KLHDC9: variants seen among roughly 807,000 people sequenced by gnomAD.
The protein encoded by KLHDC9 is kelch domain-containing protein 9.
In KLHDC9, 26 loss-of-function variants were observed where a neutral mutation model predicts 31.5. That is an observed-to-expected ratio of 0.83 (90% CI 0.61 to 1.15). The LOEUF is 1.15. Among genes scored for constraint, KLHDC9 ranks in the 50% most tolerant of loss-of-function variants. The probability of loss-of-function intolerance (pLI) is 0.00; values close to 1 mark genes in which losing one functional copy is unlikely to be tolerated. For missense variants in KLHDC9, 437 were observed against 467.7 expected (o/e 0.93, Z 0.61); for synonymous variants, 176 against 184.7 (o/e 0.95, Z 0.38).
In KLHDC9 at chr1:161,098,593, G is replaced by A; in HGVS notation, c.58G>A (p.Val20Met). ...AGGCTCAGGCTGGGCCTGGAGGCCA[G>A]TGGCGCGGGACGCGCTTTTGGCTAG... is the stretch of plus-strand genomic sequence containing the variant. Reference protein sequence around the residue: ...AAGSGWAWRPVARDALLARAF... With the variant: ...AAGSGWAWRPMARDALLARAF... The change falls in exon 1 of 4, where the codon GTG becomes ATG. Residue 20 changes from valine to methionine, a missense_variant. Transcript: ENST00000368011. This position sits in a 1 kb window ranked among gnomAD's most constrained non-coding sequence, Gnocchi z 6.3. 3 of 1,590,292 alleles carry A rather than the reference G, an allele frequency of 1.9e-6. No individual in the cohort carries two copies. The highest frequency in any genetic ancestry group is 2.3e-5 in the East Asian group (1 of 43,182).
chr1:161,099,991 G>C, intron 3 of KLHDC9, 70 bp from the exon 4 acceptor site: 1 of 1,556,292 alleles, frequency 6.4e-7, no homozygotes, highest in Non-Finnish European at 8.8e-7. Context: ...GCAAGCCCTT[G>C]GTCATGTTGA....
In KLHDC9 at chr1:161,098,776, C is replaced by G; in HGVS notation, c.241C>G (p.His81Asp). 1 of 1,597,328 alleles carries G rather than the reference C, an allele frequency of 6.3e-7. No homozygotes were observed. Among genetic ancestry groups the G allele is most frequent in the East Asian group, 2.3e-5 (1 of 43,766 alleles). ...AGCCCGGGGCAGCCCCCCGCGCAGT[C>G]ACCACGACGCGGCACCCGTGGACGG... ...LGARGSPPRSHHDAAPVDGRW... is the reference protein window; with the variant it reads ...LGARGSPPRSDHDAAPVDGRW... The change falls in exon 1 of 4, where the codon CAC becomes GAC. Residue 81 changes from histidine (H) to aspartate (D), a missense_variant. Coordinates refer to ENST00000368011, the MANE Select transcript of KLHDC9 (RefSeq NM_152366.5). This position sits in a 1 kb window ranked among gnomAD's most constrained non-coding sequence, Gnocchi z 6.3.
rs374876693 is a variant in KLHDC9 at position 161,098,575 on chromosome 1, G to C, written c.40G>C (p.Gly14Arg). 135 of 1,573,208 alleles carry C rather than the reference G, an allele frequency of 8.6e-5. No individual in the cohort carries two copies. The African/African-American group carries it at 1.7e-3, about 20-fold the overall frequency. Residue 14 changes from glycine to arginine, a missense_variant, in exon 1 of 4, where the codon GGC becomes CGC. Coordinates refer to ENST00000368011, the MANE Select transcript of KLHDC9 (RefSeq NM_152366.5). This position sits in a 1 kb window ranked among gnomAD's most constrained non-coding sequence, Gnocchi z 6.3. ...AVPPGRAAGS[G>R]WAWRPVARDA... ...GCCCCCGGGTCGGGCCGCAGGCTCA[G>C]GCTGGGCCTGGAGGCCAGTGGCGCG...
intron 3 of KLHDC9, 76 bp downstream of exon 3, chr1:161,099,872 G>T (rs1440884662): frequency 6.9e-7 from 1 of 1,442,872 alleles, no homozygotes; most frequent in South Asian, 1.1e-5. Flanking sequence ...AAAGAGGATG[G>T]AGTGATGGGG....
rs753167844 is a variant in KLHDC9, at chr1:161,100,059, A to G, written c.887-2A>G. 6.2e-7 allele frequency: 1 copy of G among 1,614,170 alleles called. No homozygotes were observed. Among genetic ancestry groups the G allele is most frequent in the South Asian group, 1.1e-5 (1 of 91,070 alleles). On this transcript the variant is annotated splice_acceptor_variant, in intron 3 of 3. Transcript: ENST00000368011. LOFTEE classifies it high-confidence loss of function. The stretch of plus-strand genomic sequence containing the variant: ...TAACCACCCTCTGCCCGTATCCAAC[A>G]GGCACATCTCCTCCTTTGTGGTTCC...
rs372223707 is a variant in KLHDC9 at position 161,099,826 on chromosome 1, G to C, written c.886+30G>C. 3 of 1,587,590 alleles carry C rather than the reference G, an allele frequency of 1.9e-6. No individual in the cohort carries two copies. The African/African-American group carries it at 4.0e-5, about 21-fold the overall frequency. On this transcript the variant is annotated intron_variant, in intron 3 of 3. Transcript: ENST00000368011. ...GAGCCAGACTAATGGCTGAAGGGGG[G>C]GAAGGTGGGAAGATGGGGGAACCTG...
At chr1:161,099,148 C>T (rs1366613782) in intron 1 of KLHDC9, 86 bp downstream of exon 1, 1 of 1,437,870 alleles carries the variant, frequency 7.0e-7, no homozygotes, top group Non-Finnish European at 9.5e-7. Context: ...GGCAATTTAT[C>T]CACCTCCTCA....
Position 161,098,451 on chromosome 1 carries a change from C to G in KLHDC9, c.-85C>G, listed in dbSNP as rs1654405221. 1 of 1,277,784 alleles carries G rather than the reference C, an allele frequency of 7.8e-7. No individual in the cohort carries two copies. Among genetic ancestry groups the G allele is most frequent in the South Asian group, 1.7e-5 (1 of 60,548 alleles). The allele number at this position is 1,277,784 out of a possible 1,614,324, so 79.2% of individuals were successfully genotyped here. ...CGGTAGGGGGAGGTTCCCGGGGAAG[C>G]CCGCGGAAGGCGAGGTGCCTGGCCT... On this transcript the variant is annotated 5_prime_UTR_variant, in exon 1 of 4. Transcript: ENST00000368011. The surrounding 1 kb of genome is among the most constrained non-coding windows in gnomAD (Gnocchi z 6.3).
In KLHDC9 at chr1:161,099,073, C is replaced by G; in HGVS notation, c.527+11C>G. On this transcript the variant is annotated intron_variant, in intron 1 of 3. Coordinates refer to ENST00000368011, the MANE Select transcript of KLHDC9 (RefSeq NM_152366.5). Reference sequence around the variant, plus strand: ...CGCCCGCACCTATTGGTATGGCACCCTCCGCCCAAAACCTTTCACTCTCAT... The same window carrying G: ...CGCCCGCACCTATTGGTATGGCACCGTCCGCCCAAAACCTTTCACTCTCAT... 3.1e-6 allele frequency: 5 copies of G among 1,594,330 alleles called. No individual in the cohort carries two copies. The highest frequency in any genetic ancestry group is 4.2e-6 in the Non-Finnish European group (5 of 1,177,866).
chr1:161,099,240 C>G, intron 1 of KLHDC9, 106 bp from the exon 2 acceptor site: 2 of 1,398,384 alleles, frequency 1.4e-6, no homozygotes, highest in African/African-American at 1.4e-5. Flanking sequence ...TCTTATCCCA[C>G]CTACCGCACT....
In KLHDC9 at chr1:161,100,115, G is replaced by C. The variant is rs771536937; in HGVS notation, c.941G>C (p.Arg314Pro). The change falls in exon 4 of 4, where the codon CGC (arginine) becomes CCC (proline). Residue 314 changes from arginine (R) to proline (P), a missense_variant. Arg to Pro is a moderately radical substitution (Grantham distance 103). Transcript: ENST00000368011. ...CCCTGTGCAGATCGTGGGATGAAAC[G>C]CATGGGCCATCGCACCTGCCTTTGG... The part of the protein sequence containing the change: ...HFPCADRGMK[R>P]MGHRTCLWND... 1.2e-6 allele frequency: 2 copies of C among 1,614,100 alleles called. No individual in the cohort carries two copies. The highest frequency in any genetic ancestry group is 4.5e-5 in the East Asian group (2 of 44,880).
rs1443761916 is a variant in KLHDC9, at chr1:161,100,180, G to A, written c.1006G>A (p.Gly336Ser). Residue 336 changes from glycine to serine, a missense_variant, in exon 4 of 4, where the codon GGC becomes AGC. By Grantham distance (56) the Gly-to-Ser change is moderately conservative. Coordinates refer to ENST00000368011, the MANE Select transcript of KLHDC9 (RefSeq NM_152366.5). ...LYLVGGFGED[G>S]RTASPQVCIL... ...CCTGGTTGGGGGTTTTGGTGAGGATGGCAGGACAGCCAGTCCACAGGTTTG... is the reference window on the plus strand; with the variant it reads ...CCTGGTTGGGGGTTTTGGTGAGGATAGCAGGACAGCCAGTCCACAGGTTTG... 2 of 1,614,224 alleles carry A rather than the reference G, an allele frequency of 1.2e-6. No homozygotes were observed. The highest frequency in any genetic ancestry group is 2.2e-5 in the East Asian group (1 of 44,890).
Position 161,098,393 on chromosome 1 carries a change from C to T in KLHDC9, c.-143C>T, listed in dbSNP as rs1327831433. Reference sequence around the variant, plus strand: ...TTGCTGGGCGACCACGGAGAGAAAGCCGGGACTTGAGGTGGGAACCCCGGC... The same window carrying T: ...TTGCTGGGCGACCACGGAGAGAAAGTCGGGACTTGAGGTGGGAACCCCGGC... On this transcript the variant is annotated 5_prime_UTR_variant, in exon 1 of 4. Transcript: ENST00000368011. The surrounding 1 kb of genome is among the most constrained non-coding windows in gnomAD (Gnocchi z 6.3). The T allele has an allele frequency of 1.0e-5, 7 of 700,470 alleles. No individual in the cohort carries two copies. In the African/African-American group the frequency reaches 1.3e-4, roughly 13 times the overall value. 43.4% of individuals were successfully genotyped at this position (700,470 alleles called of 1,614,324 possible).
rs778286163 is a variant in KLHDC9 at position 161,099,394 on chromosome 1, G to A, written c.576G>A (p.Ala192=). Residue 192 remains alanine, a synonymous_variant, in exon 2 of 4, where the codon GCG becomes GCA. Transcript: ENST00000368011. ...CAGCCTCACGCTCAGGTCACTGTGC[G>A]GCCCTGCTCCAAACTCCTGGACCCC... The part of the protein sequence containing the change: ...CHTASRSGHC[A]ALLQTPGPHP... The A allele has an allele frequency of 1.6e-5, 26 of 1,614,088 alleles. No homozygotes were observed. The Admixed American group carries it at 2.0e-4, about 12-fold the overall frequency.
intron 1 of KLHDC9, 103 bp from the exon 2 acceptor site, chr1:161,099,243 A>G: frequency 2.1e-6 from 3 of 1,410,752 alleles, no homozygotes; most frequent in Non-Finnish European, 3.0e-6. Flanking sequence ...TATCCCACCT[A>G]CCGCACTGCC....
chr1:161,098,442 C>T lies in KLHDC9; in HGVS notation c.-94C>T. 6 of 1,217,394 alleles carry T rather than the reference C, an allele frequency of 4.9e-6. No individual in the cohort carries two copies. The highest frequency in any genetic ancestry group is 6.6e-6 in the Non-Finnish European group (6 of 908,572). 75.4% of individuals were successfully genotyped at this position (1,217,394 alleles called of 1,614,324 possible). ...GCTGGCGTCCGGTAGGGGGAGGTTC[C>T]CGGGGAAGCCCGCGGAAGGCGAGGT... On this transcript the variant is annotated 5_prime_UTR_variant, in exon 1 of 4. Transcript: ENST00000368011. The surrounding 1 kb of genome is among the most constrained non-coding windows in gnomAD (Gnocchi z 6.3).
In KLHDC9 at chr1:161,100,109, T is replaced by A; in HGVS notation, c.935T>A (p.Met312Lys). Residue 312 changes from methionine (M) to lysine (K), a missense_variant, in exon 4 of 4, where the codon ATG (methionine) becomes AAG (lysine). Transcript: ENST00000368011. ...CACTTCCCCTGTGCAGATCGTGGGA[T>A]GAAACGCATGGGCCATCGCACCTGC... ...WFHFPCADRGMKRMGHRTCLW... is the reference protein window; with the variant it reads ...WFHFPCADRGKKRMGHRTCLW... 6.2e-7 allele frequency: 1 copy of A among 1,614,168 alleles called. No homozygotes were observed. The highest frequency in any genetic ancestry group is 2.2e-5 in the East Asian group (1 of 44,882).
rs1277000978 is a variant in KLHDC9, at chr1:161,098,443, C to T, written c.-93C>T. ...CTGGCGTCCGGTAGGGGGAGGTTCCCGGGGAAGCCCGCGGAAGGCGAGGTG... is the reference window on the plus strand; with the variant it reads ...CTGGCGTCCGGTAGGGGGAGGTTCCTGGGGAAGCCCGCGGAAGGCGAGGTG... On this transcript the variant is annotated 5_prime_UTR_variant, in exon 1 of 4. Transcript: ENST00000368011. The surrounding 1 kb of genome is among the most constrained non-coding windows in gnomAD (Gnocchi z 6.3). The T allele has an allele frequency of 3.3e-6, 4 of 1,222,262 alleles. No individual in the cohort carries two copies. The African/African-American group carries it at 6.3e-5, about 19-fold the overall frequency. The allele number at this position is 1,222,262 out of a possible 1,614,324, so 75.7% of individuals were successfully genotyped here.
At position 161,099,375 on chromosome 1, in the gene KLHDC9, C is replaced by G; in HGVS notation, c.557C>G (p.Ser186Ter). The G allele has an allele frequency of 6.2e-7, 1 of 1,614,252 alleles. No individual in the cohort carries two copies. The highest frequency in any genetic ancestry group is 8.5e-7 in the Non-Finnish European group (1 of 1,180,044). The change falls in exon 2 of 4, where the codon TCA becomes TGA. Residue 186 changes from serine (S) to a stop codon, truncating the protein, a stop_gained. Transcript: ENST00000368011. LOFTEE classifies it high-confidence loss of function. ...CYKQEGCHTASRSGHCAALLQ... is the reference protein window; with the variant it reads ...CYKQEGCHTA ...AAGCAAGAAGGCTGCCACACAGCCTCACGCTCAGGTCACTGTGCGGCCCTG... is the reference window on the plus strand; with the variant it reads ...AAGCAAGAAGGCTGCCACACAGCCTGACGCTCAGGTCACTGTGCGGCCCTG...
Sources: gnomAD v4.1 joint callset for allele counts on GRCh38, gnomAD v4.1.1 for gene constraint, Gnocchi (gnomAD v3.1) non-coding constraint, MANE v1.5 for transcripts, NCBI Gene and HGNC (gene_info 2026-07-23, HGNC 2026-07-21) for gene names.